The following CNKSR2 variants were observed in gnomAD, a reference collection of about 807,000 sequenced individuals.
The protein encoded by CNKSR2 is connector enhancer of kinase suppressor of Ras 2.
Under a neutral mutation model 84.4 loss-of-function variants are expected in CNKSR2, and 14 were observed. That is an observed-to-expected ratio of 0.17 (90% CI 0.11 to 0.26). The LOEUF is 0.26. Among genes scored for constraint, CNKSR2 ranks in the 10% least tolerant of loss-of-function variants. The pLI, the probability that CNKSR2 is intolerant of heterozygous loss-of-function variation, is 1.00. For missense variants in CNKSR2, 485 were observed against 771.2 expected, an observed-to-expected ratio of 0.63 and a Z score of 4.40; for synonymous variants, 275 against 277.9, an observed-to-expected ratio of 0.99 and a Z score of 0.10.
At chrX:21,566,537 G>A (rs772541633) in intron 13 of CNKSR2, among the ~76,000 whole-genome samples, 4 of 111,638 alleles carry the variant, frequency 3.6e-5, no homozygotes, top group Non-Finnish European at 7.5e-5. Context: ...ACATGGCCAT[G>A]TTTAATGGAA....
intron 11 of CNKSR2, among the ~76,000 whole-genome samples, chrX:21,558,666 C>T (rs995433794): frequency 9.0e-6 from 1 of 110,576 alleles, no homozygotes; most frequent in East Asian, 2.8e-4. Context: ...GCTTCAATGA[C>T]TTAGCTCCAT....
At chrX:21,581,991 A>G (rs1402125146) in intron 13 of CNKSR2, among the ~76,000 whole-genome samples, 1 of 111,819 alleles carries the variant, frequency 8.9e-6, no homozygotes, top group Non-Finnish European at 1.9e-5. Flanking sequence ...TTTTCTCATC[A>G]GTATTGACAC....
intron 1 of CNKSR2, among the ~76,000 whole-genome samples, chrX:21,391,827 C>T (rs766784328): frequency 6.7e-4 from 75 of 111,963 alleles, no homozygotes; most frequent in Non-Finnish European, 9.2e-4. Flanking sequence ...GCTCTGCTTC[C>T]CTTTTAAATA....
At chrX:21,585,102 G>A (rs1601983459) in intron 13 of CNKSR2, among the ~76,000 whole-genome samples, 1 of 107,545 alleles carries the variant, frequency 9.3e-6, no homozygotes, top group Non-Finnish European at 1.9e-5. Context: ...AATTAGCTGG[G>A]CATGGTGCTG....
At chrX:21,518,531 A>G (rs2091751508) in intron 9 of CNKSR2, among the ~76,000 whole-genome samples, 2 of 112,073 alleles carry the variant, frequency 1.8e-5, no homozygotes, top group Admixed American at 1.9e-4. Flanking sequence ...GAGTTAAGGT[A>G]ATGGCAGTAC....
intron 8 of CNKSR2, chrX:21,504,677 T>C: frequency 3.5e-6 from 1 of 289,660 alleles, no homozygotes; most frequent in Non-Finnish European, 6.1e-6. Context: ...TCAAGATGTC[T>C]AATTAGATGC....
At chrX:21,566,499 T>G (rs149903828) in intron 13 of CNKSR2, among the ~76,000 whole-genome samples, 1,216 of 111,791 alleles carry the variant, frequency 0.011, 14 homozygotes, top group African/African-American at 0.038. Context: ...CCACTAATCT[T>G]CATTTTTGCC....
At chrX:21,641,625 G>A in intron 20 of CNKSR2, 1 of 1,162,711 alleles carries the variant, frequency 8.6e-7, no homozygotes, top group Non-Finnish European at 1.1e-6. Flanking sequence ...AGATTGATAA[G>A]CTAATGTTTA....
At chrX:21,586,555 C>A (rs942660463) in intron 13 of CNKSR2, among the ~76,000 whole-genome samples, 10 of 111,351 alleles carry the variant, frequency 9.0e-5, no homozygotes, top group African/African-American at 3.3e-4. Flanking sequence ...AGCTAAAATT[C>A]CAAAGCGTCT....
chrX:21,524,492 G>A (rs1228125479), intron 9 of CNKSR2, among the ~76,000 whole-genome samples: 1 of 111,021 alleles, frequency 9.0e-6, no homozygotes, highest in Non-Finnish European at 1.9e-5. Flanking sequence ...CAGTTTGAAG[G>A]AAATTGAGGG....
chrX:21,555,268 A>G (rs974550553), intron 11 of CNKSR2, among the ~76,000 whole-genome samples: 4 of 111,589 alleles, frequency 3.6e-5, no homozygotes, highest in South Asian at 3.7e-4. Flanking sequence ...AAATTAATCA[A>G]TACAAAGTTT....
At chrX:21,461,978 C>A (rs770024458) in intron 4 of CNKSR2, among the ~76,000 whole-genome samples, 2 of 111,911 alleles carry the variant, frequency 1.8e-5, no homozygotes, top group South Asian at 7.4e-4. Context: ...TGTGATTCCT[C>A]CAGTTGTGTT....
At chrX:21,408,551 GTCATTA>G (rs897062899) in intron 1 of CNKSR2, among the ~76,000 whole-genome samples, 15 of 111,260 alleles carry the variant, frequency 1.3e-4, no homozygotes, top group Non-Finnish European at 1.9e-5. Flanking sequence ...ATAATATAAA[GTCATTA>G]CATGTGTTGG....
intron 7 of CNKSR2, among the ~76,000 whole-genome samples, chrX:21,498,723 A>T (rs1222535924): frequency 8.9e-6 from 1 of 112,192 alleles, no homozygotes; most frequent in Non-Finnish European, 1.9e-5. Context: ...AGTGTGATAG[A>T]GGTGAACAGC....
chrX:21,582,633 A>G (rs1052475022), intron 13 of CNKSR2, among the ~76,000 whole-genome samples: 1 of 111,870 alleles, frequency 8.9e-6, no homozygotes, highest in Non-Finnish European at 1.9e-5. Context: ...GGGGTTAATG[A>G]TAACCACTTT....
At position 21,523,858 on chromosome X, in the gene CNKSR2, T is replaced by C. The variant is rs765216664; in HGVS notation, c.958-3009T>C. 4.5e-5 allele frequency among the ~76,000 whole-genome samples: 5 copies of C among 111,112 alleles called. No homozygotes were observed. In the East Asian group the frequency reaches 1.1e-3, roughly 25 times the overall value. On this transcript the variant is annotated intron_variant, in intron 9 of 21. Transcript: ENST00000379510. ...TTTTTCTTGTCTTTCTAATGTTCTT[T>C]AATGCCTTTTTCATTCATTTAGTCA...
intron 4 of CNKSR2, among the ~76,000 whole-genome samples, chrX:21,446,260 CT>C (rs912608146): frequency 1.0e-4 from 11 of 110,464 alleles, no homozygotes; most frequent in South Asian, 3.8e-4. Flanking sequence ...AACTTGAATA[CT>C]TTTTTTCTGA....
intron 4 of CNKSR2, 137 bp from the exon 5 acceptor site, chrX:21,470,629 A>G (rs2091185524): frequency 3.1e-6 from 1 of 325,619 alleles, no homozygotes; most frequent in Non-Finnish European, 5.4e-6. Flanking sequence ...GGTATGTAGC[A>G]TCCTAGATTT....
intron 1 of CNKSR2, among the ~76,000 whole-genome samples, chrX:21,375,318 T>TC (rs1408389599): frequency 8.9e-6 from 1 of 112,458 alleles, no homozygotes; most frequent in Non-Finnish European, 1.9e-5. Flanking sequence ...CAGGGTGGAC[T>TC]CCCCCAGGAC....
Sources: allele counts gnomAD v4.1 joint callset (sites outside exome capture counted in the v4.1 genomes callset), GRCh38; gene constraint gnomAD v4.1.1; transcripts MANE v1.5; gene names NCBI Gene and HGNC (gene_info 2026-07-23, HGNC 2026-07-21).